Variants in ZNF862 observed in about 807,000 individuals in gnomAD.
The protein encoded by ZNF862 is zinc finger protein 862.
ZNF862 carries 64 observed loss-of-function variants against 91.1 expected under a neutral mutation model. The observed-to-expected ratio is 0.70, with a 90% CI of 0.57 to 0.87. ZNF862 has a LOEUF of 0.87. ZNF862 is among the 40% of genes least tolerant of loss of function. The pLI is 0.00. For missense variants in ZNF862, 1,459 were observed against 1,528.0 expected (o/e 0.95, Z 0.75); for synonymous variants, 631 against 618.1 (o/e 1.02, Z -0.31).
At chr7:149,845,900 C>A (rs1801852908) in intron 2 of ZNF862, among the ~76,000 whole-genome samples, 1 of 152,142 alleles carries the variant, frequency 6.6e-6, no homozygotes, top group African/African-American at 2.4e-5. Flanking sequence ...GTTTGTATAC[C>A]TGTTTAGCCT....
Position 149,864,233 on chromosome 7 carries a change from CGA to C in ZNF862, c.3464_3465del (p.Arg1155ThrfsTer39), listed in dbSNP as rs775709811. On this transcript the variant is annotated frameshift_variant, in exon 8 of 8. Transcript: ENST00000223210. LOFTEE classifies it low-confidence loss of function (END_TRUNC). ...VLKDCIMEPPERLLYPHTSQE... is the reference protein window; with the variant it reads ...VLKDCIMEPPXRLLYPHTSQE... ...TGAAGGACTGCATCATGGAGCCTCC[CGA>C]GAGACTCCTGTATCCCCACACCAGC... 1 of 1,601,634 alleles carries C rather than the reference CGA, an allele frequency of 6.2e-7. No individual in the cohort carries two copies. Among genetic ancestry groups the C allele is most frequent in the South Asian group, 1.1e-5 (1 of 88,546 alleles).
chr7:149,840,687 GATACGCA>G (rs1317953923), intron 1 of ZNF862, among the ~76,000 whole-genome samples: 4 of 149,978 alleles, frequency 2.7e-5, no homozygotes, highest in Non-Finnish European at 5.9e-5. Context: ...TCTATGTTTA[GATACGCA>G]AATACTTACC....
chr7:149,848,250 A>C lies in ZNF862; in HGVS notation c.757A>C (p.Ser253Arg), dbSNP rs1801947147. The C allele has an allele frequency of 6.2e-7, 1 of 1,613,010 alleles. No homozygotes were observed. Among genetic ancestry groups the C allele is most frequent in the South Asian group, 1.1e-5 (1 of 90,830 alleles). The change falls in exon 4 of 8, where the codon AGC (serine) becomes CGC (arginine). Residue 253 changes from serine to arginine, a missense_variant. Transcript: ENST00000223210. The stretch of plus-strand genomic sequence containing the variant: ...CCCAGGGCCTCTGGGAGGATTTGAT[A>C]GCATGGCTGAGCTCCTGCCAAGTTC... ...YPPGPLGGFD[S>R]MAELLPSSRA... is the part of the protein sequence containing the mutation.
intron 1 of ZNF862, among the ~76,000 whole-genome samples, chr7:149,842,835 C>G (rs1801752948): frequency 6.6e-6 from 1 of 152,196 alleles, no homozygotes; most frequent in Non-Finnish European, 1.5e-5. Flanking sequence ...GTTGGCTGTC[C>G]CTAGGTTGTA....
intron 5 of ZNF862, among the ~76,000 whole-genome samples, chr7:149,853,057 A>G: frequency 6.6e-6 from 1 of 152,252 alleles, no homozygotes; most frequent in East Asian, 1.9e-4. Flanking sequence ...AGCTAGAGAA[A>G]GAAGAACCAA....
chr7:149,851,909 C>G (rs1288328546), intron 5 of ZNF862: 1 of 152,286 alleles, frequency 6.6e-6, no homozygotes, highest in Non-Finnish European at 1.5e-5. Flanking sequence ...GGGGGTGGGC[C>G]TGGCCTCTCC....
At position 149,861,067 on chromosome 7, in the gene ZNF862, A is replaced by G. The variant is rs750412852; in HGVS notation, c.1907A>G (p.Glu636Gly). The change falls in exon 7 of 8, where the codon GAG becomes GGG. Residue 636 changes from glutamate to glycine, a missense_variant. Glu to Gly is a moderately conservative substitution (Grantham distance 98). Transcript: ENST00000223210. This position sits in a 1 kb window ranked among gnomAD's most constrained non-coding sequence, Gnocchi z 6.7. ...VLLDSSTDAS[E>G]QACVGIYIRY... is the part of the protein sequence containing the mutation. ...CTGGACAGCTCCACCGACGCCTCCG[A>G]GCAGGCCTGCGTGGGGATTTACATC... The G allele has an allele frequency of 3.1e-6, 5 of 1,612,794 alleles. No homozygotes were observed. The South Asian group carries it at 5.5e-5, about 18-fold the overall frequency.
At chr7:149,860,267 A>G in intron 6 of ZNF862, 116 bp from the exon 7 acceptor site, 1 of 895,262 alleles carries the variant, frequency 1.1e-6, no homozygotes, top group Non-Finnish European at 1.7e-6. Flanking sequence ...GAAGGATTGC[A>G]TTCATCTTCT....
Position 149,846,198 on chromosome 7 carries a change from C to A in ZNF862, c.184C>A (p.Pro62Thr). 6.2e-7 allele frequency: 1 copy of A among 1,613,700 alleles called. No individual in the cohort carries two copies. Among genetic ancestry groups the A allele is most frequent in the Non-Finnish European group, 8.5e-7 (1 of 1,179,824 alleles). ...PELFRKFGRGPEPWLGSVQGQ... is the reference protein window; with the variant it reads ...PELFRKFGRGTEPWLGSVQGQ... ...GCTGTTCCGCAAGTTCGGACGAGGG[C>A]CAGAGCCATGGCTTGGCAGCGTCCA... is the stretch of plus-strand genomic sequence containing the variant. Residue 62 changes from proline (P) to threonine (T), a missense_variant, in exon 3 of 8, where the codon CCA becomes ACA. Coordinates refer to ENST00000223210, the MANE Select transcript of ZNF862 (RefSeq NM_001099220.3).
intron 4 of ZNF862, among the ~76,000 whole-genome samples, chr7:149,849,792 TG>T (rs1801999197): frequency 6.6e-6 from 1 of 152,194 alleles, no homozygotes; most frequent in Non-Finnish European, 1.5e-5. Context: ...CCCATCCCAT[TG>T]GGAAATCTTA....
Position 149,866,275 on chromosome 7 carries a change from GCA to G in ZNF862, c.*1998_*1999del, listed in dbSNP as rs1802719339. 1 of 152,206 alleles carries G rather than the reference GCA, an allele frequency of 6.6e-6. No individual in the cohort carries two copies. Among genetic ancestry groups the G allele is most frequent in the Admixed American group, 6.5e-5 (1 of 15,278 alleles). The allele number at this position is 152,206 out of a possible 1,614,324, so 9.4% of individuals were successfully genotyped here. Reference sequence around the variant, plus strand: ...AGGTGTTACTATCTGCGTGGCTAAGGCACACACAGGCCTCCTTCTCCCCATCA... The same window carrying G: ...AGGTGTTACTATCTGCGTGGCTAAGGCACACAGGCCTCCTTCTCCCCATCA... On this transcript the variant is annotated 3_prime_UTR_variant, in exon 8 of 8. Coordinates refer to ENST00000223210, the MANE Select transcript of ZNF862 (RefSeq NM_001099220.3).
At position 149,861,159 on chromosome 7, in the gene ZNF862, G is replaced by A. The variant is rs758974872; in HGVS notation, c.1999G>A (p.Ala667Thr). The change falls in exon 7 of 8, where the codon GCA (alanine) becomes ACA (threonine). Residue 667 changes from alanine to threonine, a missense_variant. Physicochemically the swap from Ala to Thr is moderately conservative, Grantham distance 58. Transcript: ENST00000223210. This position sits in a 1 kb window ranked among gnomAD's most constrained non-coding sequence, Gnocchi z 6.7. ...TCTGGCCCCTCTCTACAGTGAGACAGCAGATGGGTACTTCGAGACCATCGT... is the reference window on the plus strand; with the variant it reads ...TCTGGCCCCTCTCTACAGTGAGACAACAGATGGGTACTTCGAGACCATCGT... The part of the protein sequence containing the change: ...ITLAPLYSET[A>T]DGYFETIVSA... 169 of 1,612,942 alleles carry A rather than the reference G, an allele frequency of 1.0e-4. No homozygotes were observed. Among genetic ancestry groups the A allele is most frequent in the Non-Finnish European group, 1.4e-4 (162 of 1,179,840 alleles).
intron 3 of ZNF862, among the ~76,000 whole-genome samples, chr7:149,846,645 T>C (rs547512831): frequency 1.3e-5 from 2 of 152,348 alleles, no homozygotes; most frequent in African/African-American, 2.4e-5. Flanking sequence ...TAGGGATTTA[T>C]CTTTTCTTTC....
At position 149,847,739 on chromosome 7, in the gene ZNF862, A is replaced by G. The variant is rs1438897179; in HGVS notation, c.246A>G (p.Lys82=). 5.6e-6 allele frequency: 9 copies of G among 1,604,858 alleles called. No individual in the cohort carries two copies. The highest frequency in any genetic ancestry group is 7.7e-6 in the Non-Finnish European group (9 of 1,176,168). Residue 82 remains lysine (K), a synonymous_variant, in exon 4 of 8, where the codon AAA becomes AAG. Coordinates refer to ENST00000223210, the MANE Select transcript of ZNF862 (RefSeq NM_001099220.3). ...QRSLLEHHPG[K]KQMGYMGEME... ...CCTTCTGTCTCTTCTCTAAAGGAAA[A>G]AAACAGATGGGCTACATGGGAGAAA...
chr7:149,847,399 A>C (rs995544499), intron 3 of ZNF862, among the ~76,000 whole-genome samples: 1 of 152,118 alleles, frequency 6.6e-6, no homozygotes, highest in Non-Finnish European at 1.5e-5. Context: ...ATCCATAAAT[A>C]AATTTTGACT....
At position 149,850,163 on chromosome 7, in the gene ZNF862, C is replaced by T; in HGVS notation, c.942C>T (p.Asp314=). ...YNDAVESCIQ[D]PSAEGLSEEV... is the part of the protein sequence containing the mutation. ...GTGGCCGCTGCTCTTTGTTCCAGGACCCTTCTGCAGAGGGGCTGTCGGAGG... is the reference window on the plus strand; with the variant it reads ...GTGGCCGCTGCTCTTTGTTCCAGGATCCTTCTGCAGAGGGGCTGTCGGAGG... Residue 314 remains aspartate, a splice_region_variant and synonymous_variant, in exon 5 of 8, where the codon GAC becomes GAT. Transcript: ENST00000223210. The surrounding 1 kb of genome is among the most constrained non-coding windows in gnomAD (Gnocchi z 4.2). 2 of 1,562,122 alleles carry T rather than the reference C, an allele frequency of 1.3e-6. No homozygotes were observed. The highest frequency in any genetic ancestry group is 1.7e-6 in the Non-Finnish European group (2 of 1,153,874).
rs772195140 is a variant in ZNF862, at chr7:149,861,371, C to T, written c.2211C>T (p.Cys737=). 44 of 1,612,938 alleles carry T rather than the reference C, an allele frequency of 2.7e-5. No homozygotes were observed. The highest frequency in any genetic ancestry group is 4.5e-5 in the East Asian group (2 of 44,884). Residue 737 remains cysteine, a synonymous_variant, in exon 7 of 8, where the codon TGC becomes TGT. Coordinates refer to ENST00000223210, the MANE Select transcript of ZNF862 (RefSeq NM_001099220.3). This position sits in a 1 kb window ranked among gnomAD's most constrained non-coding sequence, Gnocchi z 6.7. ...TGCACCTGGCTGTGGTGGACGCCTG[C>T]GGGAGCATCGATCTGGTGAAGAAGT... ...HRLHLAVVDA[C]GSIDLVKKCD...
At chr7:149,838,741 C>A in intron 1 of ZNF862, 106 bp downstream of exon 1, 1 of 745,524 alleles carries the variant, frequency 1.3e-6, no homozygotes, top group Non-Finnish European at 1.8e-6. Context: ...ATGAGCCAGG[C>A]TTGCAGGGAA....
At chr7:149,853,505 G>T (rs1019042863) in intron 5 of ZNF862, among the ~76,000 whole-genome samples, 6 of 152,188 alleles carry the variant, frequency 3.9e-5, no homozygotes, top group African/African-American at 1.4e-4. Flanking sequence ...CTTCAGAGAG[G>T]TACCATCAGG....
Sources: gnomAD v4.1 joint callset for allele counts (sites outside exome capture counted in the v4.1 genomes callset) on GRCh38, gnomAD v4.1.1 for gene constraint, Gnocchi (gnomAD v3.1) non-coding constraint, MANE v1.5 for transcripts, NCBI Gene and HGNC (gene_info 2026-07-23, HGNC 2026-07-21) for gene names.